Variants in SCHIP1 observed in about 807,000 individuals in gnomAD.
SCHIP1 encodes the protein schwannomin interacting protein 1, also known as schwannomin-interacting protein 1.
A neutral mutation model predicts 29.7 loss-of-function variants in SCHIP1; 8 were observed. The observed-to-expected ratio is 0.27, with a 90% CI of 0.16 to 0.49. The LOEUF is 0.49. SCHIP1 is among the 20% of genes least tolerant of loss of function. The probability of loss-of-function intolerance (pLI) is 0.99; values close to 1 mark genes in which losing one functional copy is unlikely to be tolerated. For synonymous variants in SCHIP1, 76 were observed against 94.9 expected (o/e 0.80, Z 1.16); for missense variants, 193 against 294.6 (o/e 0.66, Z 2.52).
chr3:159,570,859 A>G, the SCHIP1 span, among the ~76,000 whole-genome samples: 1 of 152,162 alleles, frequency 6.6e-6, no homozygotes, highest in Non-Finnish European at 1.5e-5. Flanking sequence ...GAGGTCCTTT[A>G]CATCCCTTGT....
the SCHIP1 span, chr3:159,275,276 G>A: frequency 5.9e-6 from 1 of 170,718 alleles, no homozygotes; most frequent in Non-Finnish European, 1.2e-5. Context: ...TTCTGCTTTG[G>A]TTTAATAGGT....
chr3:159,526,817 G>A, the SCHIP1 span, among the ~76,000 whole-genome samples: 1 of 152,168 alleles, frequency 6.6e-6, no homozygotes, highest in Non-Finnish European at 1.5e-5. Context: ...GGAGAAAAGT[G>A]GACATTCTGC....
At chr3:159,631,859 G>A in the SCHIP1 span, among the ~76,000 whole-genome samples, 1 of 151,808 alleles carries the variant, frequency 6.6e-6, no homozygotes, top group Non-Finnish European at 1.5e-5. Context: ...AATAAGCAGT[G>A]GAAAAAAATG....
At chr3:159,527,727 T>A in the SCHIP1 span, among the ~76,000 whole-genome samples, 1 of 152,194 alleles carries the variant, frequency 6.6e-6, no homozygotes, top group South Asian at 2.1e-4. Context: ...CTAATTTGCA[T>A]TTGGAGTAGT....
At chr3:159,644,168 G>A in the SCHIP1 span, among the ~76,000 whole-genome samples, 64 of 152,142 alleles carry the variant, frequency 4.2e-4, no homozygotes, top group Admixed American at 7.9e-4. Flanking sequence ...TAGAGAATTC[G>A]TTAAATAAGT....
the SCHIP1 span, among the ~76,000 whole-genome samples, chr3:159,342,781 T>G: frequency 2.6e-5 from 4 of 152,234 alleles, no homozygotes; most frequent in African/African-American, 9.6e-5. Flanking sequence ...CAGTCCACAG[T>G]AGAAAAAGTT....
At chr3:159,418,957 G>C in the SCHIP1 span, among the ~76,000 whole-genome samples, 1 of 152,226 alleles carries the variant, frequency 6.6e-6, no homozygotes, top group Non-Finnish European at 1.5e-5. Flanking sequence ...GTTTAAGTAT[G>C]CTATAGAAAT....
At chr3:159,762,903 C>T in the SCHIP1 span, among the ~76,000 whole-genome samples, 3 of 152,214 alleles carry the variant, frequency 2.0e-5, no homozygotes, top group Non-Finnish European at 2.9e-5. Context: ...TGATATCTAC[C>T]TCTTCCCCTC....
chr3:159,543,684 G>A, the SCHIP1 span, among the ~76,000 whole-genome samples: 5 of 151,938 alleles, frequency 3.3e-5, no homozygotes, highest in Admixed American at 3.3e-4. Context: ...ACATACGTGT[G>A]CATGTGTCTT....
the SCHIP1 span, among the ~76,000 whole-genome samples, chr3:159,350,894 G>A: frequency 6.6e-6 from 1 of 151,650 alleles, no homozygotes; most frequent in Non-Finnish European, 1.5e-5. Context: ...AATCTGTTGG[G>A]AAAAAATTGA....
At chr3:159,692,866 C>T in the SCHIP1 span, among the ~76,000 whole-genome samples, 2 of 151,910 alleles carry the variant, frequency 1.3e-5, no homozygotes, top group Non-Finnish European at 2.9e-5. Flanking sequence ...TTTGTTGGAA[C>T]GAAATCATCC....
At chr3:159,775,027 C>T in the SCHIP1 span, among the ~76,000 whole-genome samples, 5 of 151,992 alleles carry the variant, frequency 3.3e-5, no homozygotes, top group Admixed American at 2.6e-4. Context: ...CATCTTTCTT[C>T]CTTGGGATAT....
the SCHIP1 span, among the ~76,000 whole-genome samples, chr3:159,754,723 C>T: frequency 3.3e-5 from 5 of 152,162 alleles, no homozygotes; most frequent in African/African-American, 7.2e-5. Context: ...TAAAGCAGGA[C>T]CATCCTGCCC....
chr3:159,322,992 C>T, the SCHIP1 span, among the ~76,000 whole-genome samples: 8 of 152,204 alleles, frequency 5.3e-5, no homozygotes, highest in African/African-American at 1.9e-4. Flanking sequence ...TCACCCACAG[C>T]TCCAACTGTA....
the SCHIP1 span, among the ~76,000 whole-genome samples, chr3:159,575,121 C>T: frequency 6.6e-6 from 1 of 152,198 alleles, no homozygotes; most frequent in Non-Finnish European, 1.5e-5. Context: ...CACTGTCCAA[C>T]CAGTCCCAAT....
the SCHIP1 span, among the ~76,000 whole-genome samples, chr3:159,631,655 T>G: frequency 6.6e-6 from 1 of 152,178 alleles, no homozygotes; most frequent in African/African-American, 2.4e-5. Context: ...GAATAGAGGT[T>G]ACCAGGGGCT....
the SCHIP1 span, among the ~76,000 whole-genome samples, chr3:159,360,596 C>T: frequency 2.0e-5 from 3 of 152,192 alleles, no homozygotes; most frequent in Non-Finnish European, 2.9e-5. Context: ...TATAAAAGTG[C>T]ATCCAGACTA....
At chr3:159,412,219 A>G in the SCHIP1 span, among the ~76,000 whole-genome samples, 2 of 152,202 alleles carry the variant, frequency 1.3e-5, no homozygotes, top group African/African-American at 2.4e-5. Flanking sequence ...CCCAAAGTCC[A>G]TGCTCTTAAT....
the SCHIP1 span, among the ~76,000 whole-genome samples, chr3:159,420,421 G>T: frequency 1.3e-5 from 2 of 152,172 alleles, no homozygotes; most frequent in African/African-American, 4.8e-5. Flanking sequence ...TGACGCATCA[G>T]GTTCACCAGG....
Sources: gnomAD v4.1 joint callset for allele counts (sites outside exome capture counted in the v4.1 genomes callset) on GRCh38, gnomAD v4.1.1 for gene constraint, MANE v1.5 for transcripts, NCBI Gene and HGNC (gene_info 2026-07-23, HGNC 2026-07-21) for gene names.